Variants in TFAP2A observed in about 807,000 individuals in gnomAD.
TFAP2A encodes the protein transcription factor AP-2-alpha.
TFAP2A carries 7 observed loss-of-function variants against 41.5 expected under a neutral mutation model. That is an observed-to-expected ratio of 0.17 (90% CI 0.10 to 0.32). The LOEUF (loss-of-function observed/expected upper bound fraction) is 0.32. Among genes scored for constraint, TFAP2A ranks in the 10% least tolerant of loss-of-function variants. The probability of loss-of-function intolerance (pLI) is 1.00; values close to 1 mark genes in which losing one functional copy is unlikely to be tolerated. For synonymous variants in TFAP2A, 247 were observed against 242.8 expected (o/e 1.02, Z -0.16); for missense variants, 416 against 563.3 (o/e 0.74, Z 2.65).
At chr6:10,401,238 A>G (rs182853332) in intron 5 of TFAP2A, among the ~76,000 whole-genome samples, 3 of 152,368 alleles carry the variant, frequency 2.0e-5, no homozygotes, top group African/African-American at 7.2e-5. Flanking sequence ...ATCACAAACA[A>G]TAACAGTTCT....
At chr6:10,418,278 C>T (rs1476261534), upstream of TFAP2A, 1 of 152,254 alleles carries the variant, frequency 6.6e-6, no homozygotes, top group Non-Finnish European at 1.5e-5. Context: ...TTCTCCAACT[C>T]CAGGTAGCTT....
At position 10,398,065 on chromosome 6, in the gene TFAP2A, TTGA is replaced by T. The variant is rs1761847087; in HGVS notation, c.*349_*351del. The T allele has an allele frequency of 2.6e-6, 3 of 1,147,914 alleles. No homozygotes were observed. Among genetic ancestry groups the T allele is most frequent in the Admixed American group, 4.5e-5 (1 of 22,158 alleles). 71.1% of individuals were successfully genotyped at this position (1,147,914 alleles called of 1,614,324 possible). On this transcript the variant is annotated 3_prime_UTR_variant, in exon 7 of 7. Coordinates refer to ENST00000379613, the MANE Select transcript of TFAP2A (RefSeq NM_001372066.1). The surrounding 1 kb of genome is among the most constrained non-coding windows in gnomAD (Gnocchi z 5.3). The stretch of plus-strand genomic sequence containing the variant: ...ATTTTTGTTGTTGTTGTTGCTGTTG[TTGA>T]TTTGTTGTTTTGTTTAAAAAAAAAA...
In TFAP2A at chr6:10,398,549, C is replaced by T. The variant is rs765909703; in HGVS notation, c.1188G>A (p.Ala396=). ...HGFGSPAVCA[A]VTALQNYLTE... ...TGAGATAGTTCTGCAGGGCCGTGAC[C>T]GCGGCACACACCGCGGGGCTGCCGA... The change falls in exon 7 of 7, where the codon GCG becomes GCA. Residue 396 remains alanine, a synonymous_variant. Coordinates refer to ENST00000379613, the MANE Select transcript of TFAP2A (RefSeq NM_001372066.1). This position sits in a 1 kb window ranked among gnomAD's most constrained non-coding sequence, Gnocchi z 5.3. 6.2e-7 allele frequency: 1 copy of T among 1,614,160 alleles called. No individual in the cohort carries two copies. The highest frequency in any genetic ancestry group is 1.7e-5 in the Admixed American group (1 of 60,032).
intron 1 of TFAP2A, among the ~76,000 whole-genome samples, chr6:10,414,228 C>T (rs920194272): frequency 6.6e-6 from 1 of 152,192 alleles, no homozygotes; most frequent in Non-Finnish European, 1.5e-5. Context: ...CAGCACATCT[C>T]CCCACCCCAC....
intron 2 of TFAP2A, chr6:10,408,967 C>G (rs1163906380): frequency 1.3e-5 from 2 of 152,190 alleles, no homozygotes; most frequent in Admixed American, 6.5e-5. Context: ...AGAAAAGCAG[C>G]TTTAACAGAA....
intron 2 of TFAP2A, among the ~76,000 whole-genome samples, chr6:10,408,825 A>G (rs1465172460): frequency 6.6e-6 from 1 of 152,280 alleles, no homozygotes; most frequent in Non-Finnish European, 1.5e-5. Flanking sequence ...AGGTAAGTTC[A>G]TCTGACCATT....
At chr6:10,417,520 G>C (rs1758291102), upstream of TFAP2A, among the ~76,000 whole-genome samples, 1 of 152,226 alleles carries the variant, frequency 6.6e-6, no homozygotes, top group Non-Finnish European at 1.5e-5. Context: ...ATGCTCCGGC[G>C]GGGCCAGAAC....
chr6:10,411,641 C>G, intron 1 of TFAP2A: 2 of 1,613,172 alleles, frequency 1.2e-6, no homozygotes, highest in Non-Finnish European at 1.7e-6. Flanking sequence ...AAAAAACAAG[C>G]AAGCCTGGAG....
chr6:10,415,401 C>T, upstream of TFAP2A: 3 of 578,666 alleles, frequency 5.2e-6, no homozygotes, highest in East Asian at 6.4e-5. Flanking sequence ...CTCTCTACGC[C>T]GCGAACTTGC....
At chr6:10,415,372 C>T (rs1280547588), upstream of TFAP2A, 3 of 931,686 alleles carry the variant, frequency 3.2e-6, no homozygotes, top group East Asian at 1.5e-4. Context: ...GCCGGCCGCT[C>T]CGACACAGGT....
chr6:10,412,317 GGCAGAGAGGGAGACCGAAGGAGAGAGC>G, intron 1 of TFAP2A: 1 of 984,744 alleles, frequency 1.0e-6, no homozygotes, highest in African/African-American at 1.8e-5. Flanking sequence ...AAGAGAAAGA[GGCAGAGAGGGAGACCGAAGGAGAGAGC>G]GCAGAGAGGG....
At chr6:10,415,205 CGAG>C (rs1561718378), upstream of TFAP2A, 34 of 1,472,392 alleles carry the variant, frequency 2.3e-5, no homozygotes, top group Middle Eastern at 2.3e-4. Flanking sequence ...AGGAGAAGGG[CGAG>C]GAGGAGGAGA....
At chr6:10,400,709 A>G (rs760875770) in intron 5 of TFAP2A, 120 bp from the exon 6 acceptor site, 1 of 1,184,662 alleles carries the variant, frequency 8.4e-7, no homozygotes, top group South Asian at 1.2e-5. Flanking sequence ...AACACAAACT[A>G]CTTGTTTTCT....
chr6:10,403,947 A>G (rs12199710), intron 4 of TFAP2A, among the ~76,000 whole-genome samples: 32,668 of 152,118 alleles, frequency 0.21, 4,400 homozygotes, highest in African/African-American at 0.36. Flanking sequence ...GGGTCTGGAG[A>G]TGACAGCGAC....
At chr6:10,419,255 T>C (rs536631931), upstream of TFAP2A, among the ~76,000 whole-genome samples, 61 of 152,244 alleles carry the variant, frequency 4.0e-4, no homozygotes, top group Admixed American at 8.5e-4. Context: ...GTTTTTCCTG[T>C]CTTCGCTGTC....
chr6:10,419,618 GC>G, upstream of TFAP2A: 1 of 797,622 alleles, frequency 1.3e-6, no homozygotes, highest in Non-Finnish European at 2.1e-6. Context: ...ATGCGCGCTG[GC>G]CCAGGAATTC....
In TFAP2A at chr6:10,398,730, A is replaced by G. The variant is rs966235621; in HGVS notation, c.1032-25T>C. 1.2e-6 allele frequency: 2 copies of G among 1,613,244 alleles called. No homozygotes were observed. Among genetic ancestry groups the G allele is most frequent in the African/African-American group, 2.7e-5 (2 of 75,020 alleles). On this transcript the variant is annotated intron_variant, in intron 6 of 6. Transcript: ENST00000379613. This position sits in a 1 kb window ranked among gnomAD's most constrained non-coding sequence, Gnocchi z 5.3. ...TCTGCAGCACAAGTGGAGCAGAGAG[A>G]GAGACATAAGGCTCCACTATGGGCA...
intron 3 of TFAP2A, chr6:10,405,977 A>T (rs1480650962): frequency 2.6e-5 from 4 of 152,216 alleles, no homozygotes; most frequent in Non-Finnish European, 5.9e-5. Context: ...CAAAGACTTC[A>T]CAGATGCAAA....
At chr6:10,410,364 A>T (rs1355242678) in intron 1 of TFAP2A, 29 bp from the exon 2 acceptor site, 1 of 1,588,624 alleles carries the variant, frequency 6.3e-7, no homozygotes, top group East Asian at 2.3e-5. Flanking sequence ...AAAGGTAAAG[A>T]ACAAGGAATC....
Sources: gnomAD v4.1 joint callset for allele counts (sites outside exome capture counted in the v4.1 genomes callset) on GRCh38, gnomAD v4.1.1 for gene constraint, Gnocchi (gnomAD v3.1) non-coding constraint, MANE v1.5 for transcripts, NCBI Gene and HGNC (gene_info 2026-07-23, HGNC 2026-07-21) for gene names.